Variants in ATRNL1 observed in about 807,000 individuals in gnomAD.
ATRNL1 encodes the protein attractin like 1.
In ATRNL1, 95 loss-of-function variants were observed where a neutral mutation model predicts 182.7. The ratio of observed to expected loss-of-function variants is 0.52; its 90% CI spans 0.44 to 0.62. The LOEUF is 0.62. Among genes scored for constraint, ATRNL1 ranks in the 20% least tolerant of loss-of-function variants. ATRNL1 has a pLI of 0.00. For synonymous variants in ATRNL1, 576 were observed against 568.3 expected (o/e 1.01, Z -0.19); for missense variants, 1,471 against 1,679.5 (o/e 0.88, Z 2.17).
At chr10:115,571,941 C>A (rs868979381) in intron 26 of ATRNL1, among the ~76,000 whole-genome samples, 2 of 151,800 alleles carry the variant, frequency 1.3e-5, no homozygotes, top group African/African-American at 4.8e-5. Flanking sequence ...TTTGTATATT[C>A]TCTTTCAAGT....
intron 26 of ATRNL1, among the ~76,000 whole-genome samples, chr10:115,672,653 C>A (rs1323140200): frequency 6.6e-6 from 1 of 151,960 alleles, no homozygotes; most frequent in Non-Finnish European, 1.5e-5. Flanking sequence ...TTTCTTATTA[C>A]AGAAATTGTT....
chr10:115,536,620 G>C (rs1592811995), intron 25 of ATRNL1, among the ~76,000 whole-genome samples: 1 of 152,172 alleles, frequency 6.6e-6, no homozygotes, highest in South Asian at 2.1e-4. Flanking sequence ...TGCACCCACT[G>C]TCCTGCGCCC....
chr10:115,561,491 T>C (rs1853704589), intron 26 of ATRNL1, among the ~76,000 whole-genome samples: 1 of 152,192 alleles, frequency 6.6e-6, no homozygotes, highest in African/African-American at 2.4e-5. Context: ...ACTATTTACA[T>C]AACATTTGCA....
At chr10:115,377,854 A>G (rs1422435276) in intron 19 of ATRNL1, among the ~76,000 whole-genome samples, 1 of 152,160 alleles carries the variant, frequency 6.6e-6, no homozygotes, top group Non-Finnish European at 1.5e-5. Flanking sequence ...TCTAGCAAGT[A>G]TGAATTCTCT....
intron 9 of ATRNL1, among the ~76,000 whole-genome samples, chr10:115,224,093 G>A (rs1490062321): frequency 6.6e-6 from 1 of 150,688 alleles, no homozygotes; most frequent in Non-Finnish European, 1.5e-5. Flanking sequence ...GTGCCACCAC[G>A]CCTGGCAATT....
chr10:115,186,439 G>A (rs1554888757), intron 8 of ATRNL1, among the ~76,000 whole-genome samples: 4 of 152,078 alleles, frequency 2.6e-5, no homozygotes, highest in African/African-American at 9.7e-5. Flanking sequence ...ATTCATCATA[G>A]CCAAGATTTG....
intron 15 of ATRNL1, among the ~76,000 whole-genome samples, chr10:115,292,550 G>A (rs1257258081): frequency 1.3e-5 from 2 of 151,278 alleles, no homozygotes; most frequent in East Asian, 3.9e-4. Flanking sequence ...TATAGGCTTT[G>A]GTATGTTGTG....
chr10:115,306,886 G>A (rs1337042430), intron 17 of ATRNL1, among the ~76,000 whole-genome samples: 1 of 152,016 alleles, frequency 6.6e-6, no homozygotes, highest in South Asian at 2.1e-4. Context: ...TTTTGAGAAG[G>A]TTAATGAAAC....
At chr10:115,922,686 G>A (rs188695390) in intron 28 of ATRNL1, among the ~76,000 whole-genome samples, 134 of 152,258 alleles carry the variant, frequency 8.8e-4, no homozygotes, top group Non-Finnish European at 2.2e-4. Context: ...ATCTTTAGCA[G>A]AAATACTCCA....
intron 19 of ATRNL1, among the ~76,000 whole-genome samples, chr10:115,370,178 T>G (rs1857317849): frequency 6.6e-6 from 1 of 152,230 alleles, no homozygotes; most frequent in South Asian, 2.1e-4. Context: ...GAACTGTAAG[T>G]CCATTAAACC....
chr10:115,386,058 GT>G (rs1412809103), intron 19 of ATRNL1, among the ~76,000 whole-genome samples: 2 of 151,774 alleles, frequency 1.3e-5, no homozygotes, highest in Admixed American at 1.3e-4. Context: ...ATGTATATAA[GT>G]TTTAGAAGTA....
chr10:115,487,870 C>G (rs782231918), intron 24 of ATRNL1, among the ~76,000 whole-genome samples: 1 of 152,126 alleles, frequency 6.6e-6, no homozygotes, highest in Non-Finnish European at 1.5e-5. Flanking sequence ...GTGCATTTGT[C>G]ATAAATAGCT....
chr10:115,409,726 C>T (rs949229740), intron 20 of ATRNL1, among the ~76,000 whole-genome samples: 6 of 152,082 alleles, frequency 3.9e-5, no homozygotes, highest in African/African-American at 1.4e-4. Context: ...AACCCTGATA[C>T]CAAAACCAGA....
chr10:115,511,071 C>G (rs1445421731), intron 24 of ATRNL1, among the ~76,000 whole-genome samples: 1 of 151,910 alleles, frequency 6.6e-6, no homozygotes, highest in Non-Finnish European at 1.5e-5. Context: ...AATACTTATG[C>G]AGAGCTGTCT....
intron 21 of ATRNL1, among the ~76,000 whole-genome samples, chr10:115,434,855 C>T (rs535521381): frequency 2.0e-5 from 3 of 152,134 alleles, no homozygotes; most frequent in Admixed American, 1.3e-4. Context: ...TAACTGCATC[C>T]ACTGGCTCCC....
intron 26 of ATRNL1, among the ~76,000 whole-genome samples, chr10:115,600,241 T>TA (rs1477803132): frequency 1.3e-5 from 2 of 152,156 alleles, no homozygotes; most frequent in Non-Finnish European, 2.9e-5. Context: ...TTGTGAAATT[T>TA]AAAAAAATTT....
At chr10:115,352,192 T>A (rs1554941616) in intron 19 of ATRNL1, among the ~76,000 whole-genome samples, 1 of 152,016 alleles carries the variant, frequency 6.6e-6, no homozygotes. Context: ...ATGTTCATCT[T>A]CTCACTTTTT....
intron 26 of ATRNL1, among the ~76,000 whole-genome samples, chr10:115,600,156 T>C (rs2133940217): frequency 6.6e-6 from 1 of 152,304 alleles, no homozygotes; most frequent in Admixed American, 6.5e-5. Flanking sequence ...AGTAATTTTA[T>C]GTATTATACC....
At chr10:115,412,258 A>G (rs1554960078) in intron 20 of ATRNL1, among the ~76,000 whole-genome samples, 1 of 152,168 alleles carries the variant, frequency 6.6e-6, no homozygotes, top group Non-Finnish European at 1.5e-5. Context: ...CCTCGGTCCT[A>G]TAGTGGTAAG....
Sources: allele counts gnomAD v4.1 joint callset (sites outside exome capture counted in the v4.1 genomes callset), GRCh38; gene constraint gnomAD v4.1.1; transcripts MANE v1.5; gene names NCBI Gene and HGNC (gene_info 2026-07-23, HGNC 2026-07-21).